SLC25A42: variants seen among roughly 807,000 people sequenced by gnomAD.
The protein encoded by SLC25A42 is mitochondrial coenzyme A transporter SLC25A42.
Under a neutral mutation model 34.7 loss-of-function variants are expected in SLC25A42, and 19 were observed. That is an observed-to-expected ratio of 0.55 (90% CI 0.38 to 0.80). The LOEUF is 0.80. Ranked by LOEUF, SLC25A42 falls within the 30% of genes least tolerant of loss-of-function variation. The pLI is 0.00. For synonymous variants in SLC25A42, 205 were observed against 191.2 expected (o/e 1.07, Z -0.59); for missense variants, 364 against 441.3 (o/e 0.82, Z 1.57).
rs2059825603 is a variant in SLC25A42, at chr19:19,106,047, A to T, written c.381-222A>T. ...TAGGGAAAATACGCATCATTAATTT[A>T]TGCCAGCAGGGGGGAAGGGAAGGCA... On this transcript the variant is annotated intron_variant, in intron 5 of 7. Transcript: ENST00000318596. 5.4e-6 allele frequency: 3 copies of T among 557,058 alleles called. No individual in the cohort carries two copies. In the Admixed American group the frequency reaches 9.9e-5, roughly 18 times the overall value. 34.5% of individuals were successfully genotyped at this position (557,058 alleles called of 1,614,324 possible).
At chr19:19,087,781 GT>G (rs1233319891) in intron 1 of SLC25A42, among the ~76,000 whole-genome samples, 1 of 152,230 alleles carries the variant, frequency 6.6e-6, no homozygotes, top group Non-Finnish European at 1.5e-5. Flanking sequence ...CTTATTCAGA[GT>G]TTGCAAGGGA....
At chr19:19,097,650 GTC>G (rs2059772740) in intron 2 of SLC25A42, among the ~76,000 whole-genome samples, 1 of 152,226 alleles carries the variant, frequency 6.6e-6, no homozygotes, top group Admixed American at 6.5e-5. Flanking sequence ...ACTCTGCAAT[GTC>G]TCTTTTCTTT....
At position 19,093,573 on chromosome 19, in the gene SLC25A42, G is replaced by A. The variant is rs181342809; in HGVS notation, c.-34-2518G>A. 1.0e-3 allele frequency among the ~76,000 whole-genome samples: 158 copies of A among 152,280 alleles called. 1 individual carries two copies. The highest frequency in any genetic ancestry group is 6.1e-3 in the Admixed American group (94 of 15,300). On this transcript the variant is annotated intron_variant, in intron 1 of 7. Coordinates refer to ENST00000318596, the MANE Select transcript of SLC25A42 (RefSeq NM_178526.5). ...TCCTCACATCTCCTTAGACTCCTCT[G>A]GGCTGAGACGGTTTCTCAGGCTCTT...
chr19:19,096,010 C>A lies in SLC25A42; in HGVS notation c.-34-81C>A, dbSNP rs912744588. On this transcript the variant is annotated intron_variant, in intron 1 of 7. Coordinates refer to ENST00000318596, the MANE Select transcript of SLC25A42 (RefSeq NM_178526.5). ...CCCTCCCCACGCAGGGAGCCAGAAACTGGGATAGGAAAAGGCTGGTGGAAC... is the reference window on the plus strand; with the variant it reads ...CCCTCCCCACGCAGGGAGCCAGAAAATGGGATAGGAAAAGGCTGGTGGAAC... The A allele has an allele frequency of 7.4e-6, 7 of 946,546 alleles. No homozygotes were observed. In the African/African-American group the frequency reaches 1.1e-4, roughly 15 times the overall value. The allele number at this position is 946,546 out of a possible 1,614,324, so 58.6% of individuals were successfully genotyped here.
At chr19:19,099,639 C>T (rs574501022) in intron 2 of SLC25A42, among the ~76,000 whole-genome samples, 2 of 152,282 alleles carry the variant, frequency 1.3e-5, no homozygotes, top group African/African-American at 4.8e-5. Context: ...GCCTGTTACA[C>T]CTGAGTAGTG....
chr19:19,109,880 T>C lies in SLC25A42; in HGVS notation c.650-689T>C, dbSNP rs2059853446. 6.6e-6 allele frequency among the ~76,000 whole-genome samples: 1 copy of C among 152,222 alleles called. No homozygotes were observed. The highest frequency in any genetic ancestry group is 1.5e-5 in the Non-Finnish European group (1 of 68,046). On this transcript the variant is annotated intron_variant, in intron 7 of 7. Coordinates refer to ENST00000318596, the MANE Select transcript of SLC25A42 (RefSeq NM_178526.5). The surrounding 1 kb of genome is among the most constrained non-coding windows in gnomAD (Gnocchi z 4.1). ...GCAGGGTGAAGTTCATGGTCACTTATGTCCACTCTGTGCAACAGCTCGCAG... is the reference window on the plus strand; with the variant it reads ...GCAGGGTGAAGTTCATGGTCACTTACGTCCACTCTGTGCAACAGCTCGCAG...
At chr19:19,100,755 G>C (rs912166195) in intron 2 of SLC25A42, among the ~76,000 whole-genome samples, 1 of 152,180 alleles carries the variant, frequency 6.6e-6, no homozygotes, top group Admixed American at 6.5e-5. Context: ...GGGACAGGAA[G>C]GGTCTTGTAC....
chr19:19,068,321 C>T (rs1354058877), intron 1 of SLC25A42, among the ~76,000 whole-genome samples: 1 of 149,812 alleles, frequency 6.7e-6, no homozygotes, highest in Non-Finnish European at 1.5e-5. Context: ...CACCATCGCA[C>T]TCCAGCCTGG....
chr19:19,065,354 C>T (rs1466331646), intron 1 of SLC25A42, among the ~76,000 whole-genome samples: 2 of 152,194 alleles, frequency 1.3e-5, no homozygotes, highest in African/African-American at 4.8e-5. Flanking sequence ...AGTAAGGAAA[C>T]ACTCTTTAGA....
At chr19:19,092,335 C>T (rs2059742493) in intron 1 of SLC25A42, among the ~76,000 whole-genome samples, 1 of 152,234 alleles carries the variant, frequency 6.6e-6, no homozygotes. Flanking sequence ...CCAGCCCCAG[C>T]TGCCCTCAGT....
intron 1 of SLC25A42, among the ~76,000 whole-genome samples, chr19:19,092,578 G>T (rs966541892): frequency 2.6e-5 from 4 of 152,208 alleles, no homozygotes; most frequent in Non-Finnish European, 5.9e-5. Context: ...CCCTTCTGGG[G>T]AGACTGTTCC....
chr19:19,092,960 C>G (rs1336873357), intron 1 of SLC25A42, among the ~76,000 whole-genome samples: 1 of 152,128 alleles, frequency 6.6e-6, no homozygotes, highest in Admixed American at 6.5e-5. Context: ...AGATGCCGAC[C>G]CCCAGCAACC....
Position 19,081,755 on chromosome 19 carries a change from A to C in SLC25A42, c.-34-14336A>C, listed in dbSNP as rs2059683062. Among the ~76,000 whole-genome samples the C allele has an allele frequency of 6.6e-6, 1 of 152,122 alleles. No individual in the cohort carries two copies. Among genetic ancestry groups the C allele is most frequent in the Non-Finnish European group, 1.5e-5 (1 of 68,018 alleles). ...CGTCCAGGCCCTACGCTGTCACCCG[A>C]GTGGTCCCGTGGTGTCCTCTGGCTT... On this transcript the variant is annotated intron_variant, in intron 1 of 7. Transcript: ENST00000318596. The surrounding 1 kb of genome is among the most constrained non-coding windows in gnomAD (Gnocchi z 4.5).
chr19:19,072,192 T>G (rs2059634273), intron 1 of SLC25A42, among the ~76,000 whole-genome samples: 1 of 152,156 alleles, frequency 6.6e-6, no homozygotes, highest in Admixed American at 6.5e-5. Context: ...GGAAGCCATG[T>G]GTCAGTGTCT....
intron 1 of SLC25A42, among the ~76,000 whole-genome samples, chr19:19,068,092 A>C (rs1382820226): frequency 6.6e-6 from 1 of 152,198 alleles, no homozygotes; most frequent in Admixed American, 6.5e-5. Flanking sequence ...ACAGTGGCTC[A>C]CACCTGTAAT....
intron 2 of SLC25A42, among the ~76,000 whole-genome samples, chr19:19,096,936 C>CA (rs1425031393): frequency 6.7e-6 from 1 of 150,354 alleles, no homozygotes; most frequent in Non-Finnish European, 1.5e-5. Context: ...AACCCTGTCT[C>CA]AAAAACAAAA....
chr19:19,082,322 G>A (rs754585000), intron 1 of SLC25A42, among the ~76,000 whole-genome samples: 15 of 152,132 alleles, frequency 9.9e-5, no homozygotes, highest in Non-Finnish European at 2.2e-4. Context: ...AGCCAGCAGC[G>A]GAGGGCACTC....
intron 1 of SLC25A42, among the ~76,000 whole-genome samples, chr19:19,064,849 C>T (rs546206714): frequency 1.3e-5 from 2 of 152,238 alleles, no homozygotes; most frequent in Admixed American, 6.5e-5. Flanking sequence ...TCGCTGCACC[C>T]TCCCCTCCCC....
intron 1 of SLC25A42, among the ~76,000 whole-genome samples, chr19:19,071,470 T>C (rs1390688396): frequency 1.3e-5 from 2 of 152,024 alleles, no homozygotes; most frequent in African/African-American, 4.8e-5. Flanking sequence ...GAAGCTGGGG[T>C]GCTACGGTCT....
Sources: allele counts gnomAD v4.1 joint callset (sites outside exome capture counted in the v4.1 genomes callset), GRCh38; gene constraint gnomAD v4.1.1; non-coding constraint Gnocchi (gnomAD v3.1); transcripts MANE v1.5; gene names NCBI Gene and HGNC (gene_info 2026-07-23, HGNC 2026-07-21).